MAP3K5: variants seen among roughly 807,000 people sequenced by gnomAD.
The protein encoded by MAP3K5 is ASK-1.
Under a neutral mutation model 158.7 loss-of-function variants are expected in MAP3K5, and 56 were observed. The observed-to-expected ratio is 0.35, with a 90% CI of 0.28 to 0.44. The LOEUF is 0.44. MAP3K5 is among the 20% of genes least tolerant of loss of function. The pLI, the probability that MAP3K5 is intolerant of heterozygous loss-of-function variation, is 1.00. For synonymous variants in MAP3K5, 579 were observed against 601.7 expected, an observed-to-expected ratio of 0.96 and a Z score of 0.55; for missense variants, 1,294 against 1,674.8, an observed-to-expected ratio of 0.77 and a Z score of 3.97.
At chr6:136,708,839 G>T (rs1250423141) in intron 2 of MAP3K5, among the ~76,000 whole-genome samples, 1 of 152,172 alleles carries the variant, frequency 6.6e-6, no homozygotes, top group East Asian at 1.9e-4. Flanking sequence ...GATCTATGGA[G>T]CATCTCTCCA....
rs780314142 is a variant in MAP3K5 at position 136,567,631 on chromosome 6, C to T, written c.3761G>A (p.Arg1254Lys). Residue 1254 changes from arginine (R) to lysine (K), a missense_variant and splice_region_variant, in exon 26 of 30, where the codon AGA (arginine) becomes AAA (lysine). Around this residue, in one of 5 missense-constraint regions of MAP3K5, gnomAD observed 199 missense variants for 220.3 expected, o/e 0.90. Coordinates refer to ENST00000359015, the MANE Select transcript of MAP3K5 (RefSeq NM_005923.4). ...QLGRMKIETNRLLEELVRKEK... is the reference protein window; with the variant it reads ...QLGRMKIETNKLLEELVRKEK... ...CAACCCACGTCAGTGTAGGACTTACCTATTGGTTTCTATTTTCATCCTTCC... is the reference window on the plus strand; with the variant it reads ...CAACCCACGTCAGTGTAGGACTTACTTATTGGTTTCTATTTTCATCCTTCC... The T allele has an allele frequency of 6.2e-7, 1 of 1,613,034 alleles. No individual in the cohort carries two copies. Among genetic ancestry groups the T allele is most frequent in the Non-Finnish European group, 8.5e-7 (1 of 1,179,350 alleles).
chr6:136,755,160 C>T (rs1783419858), intron 1 of MAP3K5, among the ~76,000 whole-genome samples: 1 of 152,090 alleles, frequency 6.6e-6, no homozygotes, highest in Non-Finnish European at 1.5e-5. Flanking sequence ...CCTTTAATGG[C>T]TCAGAAAGAG....
chr6:136,748,229 A>G (rs900849633), intron 1 of MAP3K5, among the ~76,000 whole-genome samples: 3 of 152,198 alleles, frequency 2.0e-5, no homozygotes, highest in African/African-American at 7.2e-5. Flanking sequence ...TTGGTTGACA[A>G]GCTTCTCAAA....
chr6:136,767,784 AC>A (rs540309186), intron 1 of MAP3K5, among the ~76,000 whole-genome samples: 79 of 152,316 alleles, frequency 5.2e-4, no homozygotes, highest in African/African-American at 1.9e-3. Context: ...TGATTTCACA[AC>A]TTTTTACAAA....
At chr6:136,676,428 T>C (rs959645036) in intron 7 of MAP3K5, among the ~76,000 whole-genome samples, 4 of 152,246 alleles carry the variant, frequency 2.6e-5, no homozygotes, top group African/African-American at 9.6e-5. Flanking sequence ...ACAAGTGAAT[T>C]GCATATCACT....
intron 2 of MAP3K5, among the ~76,000 whole-genome samples, chr6:136,709,015 T>C (rs997427544): frequency 2.0e-5 from 3 of 152,186 alleles, no homozygotes; most frequent in African/African-American, 7.2e-5. Flanking sequence ...CACTGTGTTC[T>C]GTGACACCCC....
intron 18 of MAP3K5, among the ~76,000 whole-genome samples, chr6:136,610,676 A>C (rs1389723702): frequency 6.6e-6 from 1 of 151,616 alleles, no homozygotes; most frequent in Non-Finnish European, 1.5e-5. Context: ...AAGAAAAATA[A>C]GTAACAAGTT....
intron 14 of MAP3K5, among the ~76,000 whole-genome samples, chr6:136,627,435 T>C (rs1196645137): frequency 6.6e-6 from 1 of 152,238 alleles, no homozygotes; most frequent in Non-Finnish European, 1.5e-5. Flanking sequence ...GCTTGTTACT[T>C]TCCGGATGAA....
Position 136,664,755 on chromosome 6 carries a change from A to G in MAP3K5, c.1366+4528T>C, listed in dbSNP as rs548337120. Among the ~76,000 whole-genome samples, 12 of 152,280 alleles carry G rather than the reference A, an allele frequency of 7.9e-5. No individual in the cohort carries two copies. In the South Asian group the frequency reaches 1.7e-3, roughly 21 times the overall value. On this transcript the variant is annotated intron_variant, in intron 8 of 29. Transcript: ENST00000359015. ...AGACCAGCTTGGCCAACATGGCAAA[A>G]TCCTGTCTCTACTAAAACTACAAAA...
intron 1 of MAP3K5, among the ~76,000 whole-genome samples, chr6:136,767,999 T>A (rs566744547): frequency 5.3e-5 from 8 of 152,252 alleles, no homozygotes; most frequent in African/African-American, 1.9e-4. Context: ...CAATTAGATA[T>A]CCACATGCAA....
At chr6:136,775,983 T>C (rs1156731364) in intron 1 of MAP3K5, among the ~76,000 whole-genome samples, 2 of 152,360 alleles carry the variant, frequency 1.3e-5, no homozygotes, top group Non-Finnish European at 2.9e-5. Context: ...AGAGTGTTCA[T>C]TATTTAACAT....
intron 9 of MAP3K5, 73 bp downstream of exon 9, chr6:136,659,146 T>A: frequency 7.8e-7 from 1 of 1,282,470 alleles, no homozygotes; most frequent in East Asian, 2.4e-5. Context: ...TAATTGTCAG[T>A]TCAATAAATA....
intron 1 of MAP3K5, among the ~76,000 whole-genome samples, chr6:136,769,569 G>A (rs1048616862): frequency 6.6e-6 from 1 of 150,582 alleles, no homozygotes; most frequent in Non-Finnish European, 1.5e-5. Context: ...TACAGAAGTG[G>A]GTTAGGGGTA....
chr6:136,619,031 GCT>G (rs1392822735), intron 15 of MAP3K5, among the ~76,000 whole-genome samples: 8 of 152,200 alleles, frequency 5.3e-5, no homozygotes, highest in South Asian at 2.1e-4. Flanking sequence ...GTTCTGGGAA[GCT>G]CTGTTTTCCT....
At chr6:136,753,288 T>C (rs1224001334) in intron 1 of MAP3K5, among the ~76,000 whole-genome samples, 6 of 152,266 alleles carry the variant, frequency 3.9e-5, no homozygotes, top group Admixed American at 6.5e-5. Context: ...TGCTTTTTTT[T>C]CAAGTGAACA....
intron 1 of MAP3K5, among the ~76,000 whole-genome samples, chr6:136,754,982 A>G (rs1281259567): frequency 1.3e-5 from 2 of 152,082 alleles, no homozygotes; most frequent in Non-Finnish European, 2.9e-5. Flanking sequence ...CTGAATCATG[A>G]AGTCCCATCA....
At chr6:136,628,396 G>A (rs150700559) in intron 14 of MAP3K5, among the ~76,000 whole-genome samples, 1 of 151,880 alleles carries the variant, frequency 6.6e-6, no homozygotes, top group East Asian at 1.9e-4. Context: ...ACAGGTGGGA[G>A]CCATCATACT....
At chr6:136,561,438 C>T in intron 28 of MAP3K5, 95 bp downstream of exon 28, 1 of 874,818 alleles carries the variant, frequency 1.1e-6, no homozygotes, top group Non-Finnish European at 1.9e-6. Context: ...GTCTGATTTG[C>T]TCACCAGTGT....
intron 13 of MAP3K5, 104 bp from the exon 14 acceptor site, chr6:136,637,510 G>A: frequency 2.7e-6 from 2 of 751,472 alleles, no homozygotes; most frequent in South Asian, 2.9e-5. Context: ...AGCTAAGAGA[G>A]TCTCCAGAAC....
Sources: gnomAD v4.1 joint callset for allele counts (sites outside exome capture counted in the v4.1 genomes callset) on GRCh38, gnomAD v4.1.1 for gene constraint, gnomAD v4.1.1 regional missense constraint, MANE v1.5 for transcripts, NCBI Gene and HGNC (gene_info 2026-07-23, HGNC 2026-07-21) for gene names.